Variants in WDSUB1 observed in about 807,000 individuals in gnomAD.
WDSUB1 encodes WD repeat, sterile alpha motif and U-box domain containing 1.
In WDSUB1, 49 loss-of-function variants were observed where a neutral mutation model predicts 53.9. That is an observed-to-expected ratio of 0.91 (90% CI 0.72 to 1.15). WDSUB1 has a LOEUF of 1.15. Ranked by LOEUF, WDSUB1 falls within the 50% of genes most tolerant of loss-of-function variation. The pLI, the probability that WDSUB1 is intolerant of heterozygous loss-of-function variation, is 0.00. For missense variants in WDSUB1, 514 were observed against 562.0 expected, an observed-to-expected ratio of 0.91 and a Z score of 0.86; for synonymous variants, 194 against 200.6, an observed-to-expected ratio of 0.97 and a Z score of 0.28.
intron 9 of WDSUB1, among the ~76,000 whole-genome samples, chr2:159,251,160 G>A (rs908219511): frequency 8.6e-6 from 1 of 116,348 alleles, no homozygotes; most frequent in Non-Finnish European, 2.3e-5. Flanking sequence ...CAGCTCCTCA[G>A]GAGGCTGAGG....
At chr2:159,244,640 ACTG>A (rs2060745604) in intron 10 of WDSUB1, among the ~76,000 whole-genome samples, 8 of 152,222 alleles carry the variant, frequency 5.3e-5, no homozygotes, top group African/African-American at 1.9e-4. Context: ...AATATGAGCT[ACTG>A]GCCAGGCTCA....
At chr2:159,246,259 C>T (rs531273788) in intron 10 of WDSUB1, among the ~76,000 whole-genome samples, 24 of 152,038 alleles carry the variant, frequency 1.6e-4, no homozygotes, top group Admixed American at 1.1e-3. Context: ...TGTGAAACCC[C>T]GTCTCTATTA....
intron 2 of WDSUB1, among the ~76,000 whole-genome samples, chr2:159,282,403 A>G (rs1230800922): frequency 4.6e-5 from 7 of 152,292 alleles, no homozygotes; most frequent in Admixed American, 6.5e-5. Flanking sequence ...CATGTTAGCC[A>G]GGATGGTCTC....
chr2:159,238,636 G>T (rs542224571), intron 10 of WDSUB1, among the ~76,000 whole-genome samples: 1 of 152,258 alleles, frequency 6.6e-6, no homozygotes, highest in South Asian at 2.1e-4. Context: ...AATGTACATG[G>T]ATCGATTTCT....
intron 2 of WDSUB1, among the ~76,000 whole-genome samples, chr2:159,282,196 A>T (rs1466679843): frequency 7.8e-6 from 1 of 127,736 alleles, no homozygotes; most frequent in Non-Finnish European, 2.0e-5. Flanking sequence ...AGTTAAAAAA[A>T]ATTTTTTTTT....
intron 9 of WDSUB1, among the ~76,000 whole-genome samples, chr2:159,253,748 A>G (rs1175341988): frequency 6.6e-6 from 1 of 152,228 alleles, no homozygotes; most frequent in Non-Finnish European, 1.5e-5. Context: ...TCACCTCAAC[A>G]TATTTGTTTC....
chr2:159,265,095 A>C (rs1219314980), intron 5 of WDSUB1, among the ~76,000 whole-genome samples: 53 of 146,004 alleles, frequency 3.6e-4, no homozygotes, highest in African/African-American at 1.4e-3. Context: ...AAAAAAAAAA[A>C]AAAATAAAAC....
chr2:159,284,535 G>C (rs2061746177), intron 1 of WDSUB1, among the ~76,000 whole-genome samples: 1 of 152,042 alleles, frequency 6.6e-6, no homozygotes. Context: ...ATTAATAAGT[G>C]ACCATGTTGA....
At position 159,258,047 on chromosome 2, in the gene WDSUB1, C is replaced by T. The variant is rs1006815316; in HGVS notation, c.805-62G>A. ...GTAAGAGTAAAGTTACTGATGAAGA[C>T]TCATTTGACATAAATGGGTTGTATA... On this transcript the variant is annotated intron_variant, in intron 6 of 10. Coordinates refer to ENST00000359774, the MANE Select transcript of WDSUB1 (RefSeq NM_001128212.3). 5 of 1,461,740 alleles carry T rather than the reference C, an allele frequency of 3.4e-6. No homozygotes were observed. The African/African-American group carries it at 5.6e-5, about 16-fold the overall frequency. The allele number at this position is 1,461,740 out of a possible 1,614,324, so 90.5% of individuals were successfully genotyped here. A position where few individuals can be genotyped will look rare whatever the true frequency, so the allele number is the denominator to read the frequency against.
At chr2:159,252,147 A>ATGTTTT (rs1553627805) in intron 9 of WDSUB1, among the ~76,000 whole-genome samples, 1 of 151,838 alleles carries the variant, frequency 6.6e-6, no homozygotes, top group African/African-American at 2.4e-5. Flanking sequence ...AAAATTAAAA[A>ATGTTTT]TTAATTTAAA....
At chr2:159,257,894 TTC>T in intron 7 of WDSUB1, 30 bp from the exon 8 acceptor site, 1 of 1,610,396 alleles carries the variant, frequency 6.2e-7, no homozygotes, top group Non-Finnish European at 8.5e-7. Flanking sequence ...ATTATGTATC[TTC>T]TGACTAATTT....
chr2:159,250,011 C>T (rs2060911861), intron 9 of WDSUB1, among the ~76,000 whole-genome samples: 2 of 148,292 alleles, frequency 1.3e-5, no homozygotes, highest in South Asian at 4.3e-4. Flanking sequence ...TTCACTTGAA[C>T]CCAGGAGGCG....
At chr2:159,256,140 G>C in intron 9 of WDSUB1, 56 bp downstream of exon 9, 1 of 1,510,780 alleles carries the variant, frequency 6.6e-7, no homozygotes. Flanking sequence ...AAATCCAACT[G>C]CAGAGTAATT....
At chr2:159,280,677 C>G (rs947300847) in intron 2 of WDSUB1, among the ~76,000 whole-genome samples, 3 of 85,030 alleles carry the variant, frequency 3.5e-5, no homozygotes, top group African/African-American at 7.6e-5. Flanking sequence ...GGCGACAGAG[C>G]GAGACTCCGT....
chr2:159,240,794 T>TTACTCTCCC (rs1374242606), intron 10 of WDSUB1, among the ~76,000 whole-genome samples: 1 of 152,282 alleles, frequency 6.6e-6, no homozygotes, highest in East Asian at 1.9e-4. Context: ...GACAATGCTC[T>TTACTCTCCC]TACTCTCCCT....
intron 5 of WDSUB1, among the ~76,000 whole-genome samples, chr2:159,264,895 C>A (rs966714567): frequency 5.3e-5 from 8 of 151,970 alleles, no homozygotes; most frequent in Non-Finnish European, 1.2e-4. Context: ...ACCAGCCTGG[C>A]CAACATGGTG....
intron 10 of WDSUB1, among the ~76,000 whole-genome samples, chr2:159,241,432 C>T (rs903823794): frequency 6.6e-6 from 1 of 152,048 alleles, no homozygotes; most frequent in Non-Finnish European, 1.5e-5. Flanking sequence ...CATGGTGGCA[C>T]GTGCCCATAA....
intron 4 of WDSUB1, among the ~76,000 whole-genome samples, chr2:159,273,599 T>C (rs532347831): frequency 1.4e-4 from 22 of 152,166 alleles, no homozygotes; most frequent in African/African-American, 5.3e-4. Context: ...TTTTGTATTT[T>C]TGTCAAGACA....
At chr2:159,256,452 T>C in intron 8 of WDSUB1, 77 bp from the exon 9 acceptor site, 1 of 1,436,164 alleles carries the variant, frequency 7.0e-7, no homozygotes, top group Non-Finnish European at 9.5e-7. Context: ...GAATTAAAAG[T>C]AAATGAAATT....
Sources: allele counts gnomAD v4.1 joint callset (sites outside exome capture counted in the v4.1 genomes callset), GRCh38; gene constraint gnomAD v4.1.1; transcripts MANE v1.5; gene names NCBI Gene and HGNC (gene_info 2026-07-23, HGNC 2026-07-21).